SCFD2: variants seen among roughly 807,000 people sequenced by gnomAD.
SCFD2 encodes the protein sec1 family domain-containing protein 2.
SCFD2 carries 54 observed loss-of-function variants against 58.9 expected under a neutral mutation model. The observed-to-expected ratio is 0.92, with a 90% CI of 0.74 to 1.15. The LOEUF (loss-of-function observed/expected upper bound fraction) is 1.15, where lower values mean the gene tolerates loss of function less well. Among genes scored for constraint, SCFD2 ranks in the 50% most tolerant of loss-of-function variants. SCFD2 has a pLI of 0.00. For missense variants in SCFD2, 805 were observed against 836.6 expected (o/e 0.96, Z 0.47); for synonymous variants, 321 against 335.9 (o/e 0.96, Z 0.49).
chr4:52,916,398 T>C (rs899918134), intron 6 of SCFD2, among the ~76,000 whole-genome samples: 9 of 152,206 alleles, frequency 5.9e-5, no homozygotes, highest in African/African-American at 1.7e-4. Flanking sequence ...GGCGAAACCC[T>C]GTCTCTACTA....
rs1560468197 is a variant in SCFD2 at position 53,366,026 on chromosome 4, C to T, written c.-85G>A. On this transcript the variant is annotated 5_prime_UTR_variant, in exon 1 of 9. Transcript: ENST00000401642. ...CTTCCGGAAATTGGGCTCCGGGAGA[C>T]TTTGACAGTCTCCACAGTACACGTG... is the stretch of plus-strand genomic sequence containing the variant. 3 of 1,459,160 alleles carry T rather than the reference C, an allele frequency of 2.1e-6. No individual in the cohort carries two copies. Among genetic ancestry groups the T allele is most frequent in the Admixed American group, 2.3e-5 (1 of 43,844 alleles). The allele number at this position is 1,459,160 out of a possible 1,614,324, so 90.4% of individuals were successfully genotyped here.
At chr4:53,018,430 A>T (rs1210399003) in intron 5 of SCFD2, among the ~76,000 whole-genome samples, 1 of 152,210 alleles carries the variant, frequency 6.6e-6, no homozygotes, top group Non-Finnish European at 1.5e-5. Flanking sequence ...TAAGGCAAAA[A>T]TGCAATGTTC....
At chr4:53,363,294 A>C (rs911548991) in intron 1 of SCFD2, among the ~76,000 whole-genome samples, 1 of 151,682 alleles carries the variant, frequency 6.6e-6, no homozygotes, top group African/African-American at 2.4e-5. Flanking sequence ...ACACCTGGCT[A>C]GTTTTTTCAT....
intron 5 of SCFD2, among the ~76,000 whole-genome samples, chr4:53,136,629 A>G (rs1217164955): frequency 2.0e-5 from 3 of 152,198 alleles, no homozygotes; most frequent in Non-Finnish European, 4.4e-5. Flanking sequence ...AATTCTCCCA[A>G]AGAGAAGTTC....
intron 5 of SCFD2, among the ~76,000 whole-genome samples, chr4:53,128,712 T>A (rs970744298): frequency 6.6e-6 from 1 of 152,214 alleles, no homozygotes; most frequent in African/African-American, 2.4e-5. Context: ...CCTACATTTT[T>A]AAAATATATG....
intron 4 of SCFD2, among the ~76,000 whole-genome samples, chr4:53,185,962 G>T (rs1429297668): frequency 1.3e-5 from 2 of 152,040 alleles, no homozygotes; most frequent in Non-Finnish European, 2.9e-5. Flanking sequence ...AAATCAAAGG[G>T]ATATTCTGCT....
intron 2 of SCFD2, among the ~76,000 whole-genome samples, chr4:53,329,270 G>C (rs1016672348): frequency 6.6e-6 from 1 of 152,206 alleles, no homozygotes; most frequent in Non-Finnish European, 1.5e-5. Context: ...GCCTGCCTCT[G>C]TAGGCTTCAC....
chr4:53,296,576 T>A (rs1452189504), intron 3 of SCFD2, among the ~76,000 whole-genome samples: 1 of 152,192 alleles, frequency 6.6e-6, no homozygotes, highest in East Asian at 1.9e-4. Context: ...TGTTAATCTC[T>A]TCAAAAAACC....
intron 2 of SCFD2, among the ~76,000 whole-genome samples, chr4:53,343,265 G>C (rs1330342815): frequency 6.6e-6 from 1 of 152,062 alleles, no homozygotes; most frequent in Non-Finnish European, 1.5e-5. Flanking sequence ...AAATGATAAA[G>C]GGGTTATCAC....
chr4:53,060,181 A>T (rs1723464289), intron 5 of SCFD2, among the ~76,000 whole-genome samples: 1 of 152,172 alleles, frequency 6.6e-6, no homozygotes, highest in African/African-American at 2.4e-5. Context: ...TAAAAAGAAA[A>T]GAAAAAAGTT....
At chr4:53,348,797 C>T (rs1734134100) in intron 2 of SCFD2, among the ~76,000 whole-genome samples, 1 of 151,984 alleles carries the variant, frequency 6.6e-6, no homozygotes, top group African/African-American at 2.4e-5. Context: ...TCACTGCAAC[C>T]TCCACCTCCC....
At chr4:53,279,678 T>A (rs886866244) in intron 3 of SCFD2, among the ~76,000 whole-genome samples, 3 of 152,212 alleles carry the variant, frequency 2.0e-5, no homozygotes, top group African/African-American at 7.2e-5. Flanking sequence ...CACACTGTTA[T>A]ATAAAGAAAT....
intron 4 of SCFD2, among the ~76,000 whole-genome samples, chr4:53,209,691 T>C (rs1327206528): frequency 6.6e-6 from 1 of 151,972 alleles, no homozygotes; most frequent in Non-Finnish European, 1.5e-5. Flanking sequence ...CAAGAAACTA[T>C]AGTATAAAGA....
chr4:53,287,550 T>C (rs1282222327), intron 3 of SCFD2, among the ~76,000 whole-genome samples: 1 of 152,086 alleles, frequency 6.6e-6, no homozygotes, highest in African/African-American at 2.4e-5. Context: ...CAATGCACCC[T>C]GCACAAGTTA....
chr4:53,272,168 C>T (rs1446236174), intron 4 of SCFD2, among the ~76,000 whole-genome samples: 1 of 152,162 alleles, frequency 6.6e-6, no homozygotes, highest in African/African-American at 2.4e-5. Context: ...CATCTCACAC[C>T]AGTTAGAATG....
In SCFD2 at chr4:53,334,255, A is replaced by G. The variant is rs1733600108; in HGVS notation, c.1007+18343T>C. On this transcript the variant is annotated intron_variant, in intron 2 of 8. Transcript: ENST00000401642. ...ACCCAGCCATCCCATTACTGGGTATATACCCAAAGGACTATAAATCTTGCT... is the reference window on the plus strand; with the variant it reads ...ACCCAGCCATCCCATTACTGGGTATGTACCCAAAGGACTATAAATCTTGCT... 4.6e-5 allele frequency among the ~76,000 whole-genome samples: 7 copies of G among 152,186 alleles called. No homozygotes were observed. The Middle Eastern group carries it at 0.01, about 222-fold the overall frequency.
At chr4:53,345,092 G>A (rs1264848197) in intron 2 of SCFD2, among the ~76,000 whole-genome samples, 1 of 152,142 alleles carries the variant, frequency 6.6e-6, no homozygotes, top group African/African-American at 2.4e-5. Flanking sequence ...AGCCAAAATA[G>A]ACAAATGGAA....
At chr4:53,157,203 G>C (rs998232199) in intron 4 of SCFD2, among the ~76,000 whole-genome samples, 1 of 152,136 alleles carries the variant, frequency 6.6e-6, no homozygotes, top group African/African-American at 2.4e-5. Context: ...GTATAATTTG[G>C]TGAATCAAAA....
intron 2 of SCFD2, among the ~76,000 whole-genome samples, chr4:53,323,938 A>C (rs562252796): frequency 6.6e-6 from 1 of 152,130 alleles, no homozygotes; most frequent in African/African-American, 2.4e-5. Flanking sequence ...CAATTACCCT[A>C]TTAATAAAGG....
Sources: allele counts gnomAD v4.1 joint callset (sites outside exome capture counted in the v4.1 genomes callset), GRCh38; gene constraint gnomAD v4.1.1; transcripts MANE v1.5; gene names NCBI Gene and HGNC (gene_info 2026-07-23, HGNC 2026-07-21).